MAGI2: variants seen among roughly 807,000 people sequenced by gnomAD.
MAGI2 encodes the protein membrane-associated guanylate kinase, WW and PDZ domain-containing protein 2.
In MAGI2, 35 loss-of-function variants were observed where a neutral mutation model predicts 133.3. The ratio of observed to expected loss-of-function variants is 0.26; its 90% confidence interval spans 0.20 to 0.35. The LOEUF (loss-of-function observed/expected upper bound fraction) is 0.35. MAGI2 is among the 10% of genes least tolerant of loss of function. The pLI, the probability that MAGI2 is intolerant of heterozygous loss-of-function variation, is 1.00. For synonymous variants in MAGI2, 729 were observed against 710.6 expected, an observed-to-expected ratio of 1.03 and a Z score of -0.41; for missense variants, 1,636 against 1,863.4, an observed-to-expected ratio of 0.88 and a Z score of 2.25.
At chr7:79,108,797 C>T (rs1733328499) in intron 1 of MAGI2, among the ~76,000 whole-genome samples, 1 of 152,142 alleles carries the variant, frequency 6.6e-6, no homozygotes, top group South Asian at 2.1e-4. Context: ...GTGTTTAGAT[C>T]ATAGGGGTGG....
chr7:78,116,415 A>G (rs1476649626), intron 20 of MAGI2, among the ~76,000 whole-genome samples: 1 of 152,064 alleles, frequency 6.6e-6, no homozygotes, highest in Non-Finnish European at 1.5e-5. Flanking sequence ...GGAATGAAAT[A>G]TTAAGTATAA....
chr7:79,134,778 C>T (rs1821227920), intron 1 of MAGI2, among the ~76,000 whole-genome samples: 1 of 152,052 alleles, frequency 6.6e-6, no homozygotes, highest in African/African-American at 2.4e-5. Flanking sequence ...TAATTAGATG[C>T]CAAGTATGAA....
rs192948490 is a variant in MAGI2, at chr7:79,067,635, T to A, written c.302-60429A>T. Among the ~76,000 whole-genome samples, 3 of 152,284 alleles carry A rather than the reference T, an allele frequency of 2.0e-5. No individual in the cohort carries two copies. In the East Asian group the frequency reaches 5.8e-4, roughly 29 times the overall value. On this transcript the variant is annotated intron_variant, in intron 1 of 21. Transcript: ENST00000354212. ...TGATCATCCTGGCCAGAACTTCCAA[T>A]ACTATGTTGAACATGAGTGGTGAGA...
At chr7:79,231,218 AG>A (rs1831344643) in intron 1 of MAGI2, among the ~76,000 whole-genome samples, 1 of 91,830 alleles carries the variant, frequency 1.1e-5, no homozygotes, top group East Asian at 2.7e-4. Flanking sequence ...GTTTGAAGTC[AG>A]GTAGTGTGAT....
chr7:78,406,878 T>A (rs1797428933), intron 6 of MAGI2, among the ~76,000 whole-genome samples: 1 of 152,094 alleles, frequency 6.6e-6, no homozygotes, highest in African/African-American at 2.4e-5. Flanking sequence ...CCTAAATTCA[T>A]GACCATGTTG....
At chr7:78,488,312 T>C (rs927120818) in intron 6 of MAGI2, among the ~76,000 whole-genome samples, 2 of 152,062 alleles carry the variant, frequency 1.3e-5, no homozygotes, top group African/African-American at 4.8e-5. Flanking sequence ...TTATGCAATA[T>C]GTTATGCTTG....
At chr7:78,289,052 C>T (rs895696504) in intron 9 of MAGI2, among the ~76,000 whole-genome samples, 4 of 152,152 alleles carry the variant, frequency 2.6e-5, no homozygotes, top group African/African-American at 9.7e-5. Flanking sequence ...CTCTTTTCCT[C>T]CAAAGGAACG....
intron 20 of MAGI2, among the ~76,000 whole-genome samples, chr7:78,106,964 A>G (rs1818756461): frequency 6.6e-6 from 1 of 151,964 alleles, no homozygotes; most frequent in South Asian, 2.1e-4. Flanking sequence ...TTCCCCAACT[A>G]CTTTTAGTAG....
chr7:78,604,488 G>A (rs922972022), intron 3 of MAGI2, among the ~76,000 whole-genome samples: 2 of 152,164 alleles, frequency 1.3e-5, no homozygotes, highest in African/African-American at 4.8e-5. Flanking sequence ...CCAGACAAAT[G>A]TTCTAATGTA....
chr7:78,460,260 T>C (rs1418834920), intron 6 of MAGI2, among the ~76,000 whole-genome samples: 2 of 152,234 alleles, frequency 1.3e-5, no homozygotes, highest in Admixed American at 1.3e-4. Context: ...CGCGAATCAA[T>C]GTAGTGAGGT....
chr7:79,392,116 C>A (rs2129152559), intron 1 of MAGI2, among the ~76,000 whole-genome samples: 1 of 152,158 alleles, frequency 6.6e-6, no homozygotes, highest in South Asian at 2.1e-4. Context: ...GTGTTTGGCT[C>A]TCTGTTCCTG....
chr7:78,103,248 A>C (rs147384990), intron 20 of MAGI2, among the ~76,000 whole-genome samples: 6 of 152,344 alleles, frequency 3.9e-5, no homozygotes, highest in African/African-American at 1.4e-4. Flanking sequence ...ATGCTCTTAC[A>C]TTCATTTACT....
intron 6 of MAGI2, among the ~76,000 whole-genome samples, chr7:78,425,651 T>C (rs767565452): frequency 6.6e-6 from 1 of 152,218 alleles, no homozygotes; most frequent in Non-Finnish European, 1.5e-5. Context: ...AACCAAAGTC[T>C]GTATAGTGCT....
At chr7:78,922,724 G>A (rs1005036034) in intron 2 of MAGI2, among the ~76,000 whole-genome samples, 1 of 151,898 alleles carries the variant, frequency 6.6e-6, no homozygotes, top group Admixed American at 6.6e-5. Flanking sequence ...GTGATGGCTG[G>A]GTCAAATGGT....
intron 1 of MAGI2, among the ~76,000 whole-genome samples, chr7:79,127,977 T>C (rs1465893890): frequency 4.6e-5 from 7 of 152,162 alleles, no homozygotes; most frequent in Admixed American, 3.9e-4. Context: ...AATTTTTGTA[T>C]AAGGTGTAAG....
intron 3 of MAGI2, among the ~76,000 whole-genome samples, chr7:78,578,500 A>C (rs1802500148): frequency 6.6e-6 from 1 of 152,178 alleles, no homozygotes; most frequent in Non-Finnish European, 1.5e-5. Context: ...GAAAGGGTAA[A>C]TGAAAAAGGC....
At chr7:78,875,887 A>T (rs1306050094) in intron 2 of MAGI2, among the ~76,000 whole-genome samples, 4 of 152,230 alleles carry the variant, frequency 2.6e-5, no homozygotes, top group Non-Finnish European at 4.4e-5. Flanking sequence ...AAAGAACTGA[A>T]AATTACAACA....
chr7:78,097,059 A>G (rs565166195), intron 20 of MAGI2, among the ~76,000 whole-genome samples: 1 of 152,352 alleles, frequency 6.6e-6, no homozygotes, highest in African/African-American at 2.4e-5. Flanking sequence ...AGCATATGAA[A>G]AAAAACCTCA....
At chr7:79,182,166 AC>A in intron 1 of MAGI2, among the ~76,000 whole-genome samples, 1 of 151,950 alleles carries the variant, frequency 6.6e-6, no homozygotes, top group African/African-American at 2.4e-5. Context: ...TTTCAGCAGT[AC>A]CCCACTCTAC....
Sources: gnomAD v4.1 joint callset for allele counts (sites outside exome capture counted in the v4.1 genomes callset) on GRCh38, gnomAD v4.1.1 for gene constraint, MANE v1.5 for transcripts, NCBI Gene and HGNC (gene_info 2026-07-23, HGNC 2026-07-21) for gene names.